CTXN2: variants seen among roughly 807,000 people sequenced by gnomAD.
The protein encoded by CTXN2 is cortexin 2.
CTXN2 carries 3 observed loss-of-function variants against 5.7 expected under a neutral mutation model. The ratio of observed to expected loss-of-function variants is 0.53; its 90% CI spans 0.24 to 1.36. CTXN2 has a LOEUF of 1.36. Ranked by LOEUF, CTXN2 falls within the 40% of genes most tolerant of loss-of-function variation. CTXN2 has a pLI of 0.17. For missense variants in CTXN2, 87 were observed against 93.0 expected, an observed-to-expected ratio of 0.94 and a Z score of 0.26; for synonymous variants, 38 against 36.4, an observed-to-expected ratio of 1.04 and a Z score of -0.16.
upstream of CTXN2, among the ~76,000 whole-genome samples, chr15:48,188,672 A>T (rs1208822675): frequency 1.3e-5 from 2 of 152,178 alleles, no homozygotes; most frequent in African/African-American, 4.8e-5. Context: ...TGTCACCAAC[A>T]TATTTACCTT....
chr15:48,201,163 A>G, intron 1 of CTXN2, 81 bp from the exon 2 acceptor site: 1 of 835,096 alleles, frequency 1.2e-6, no homozygotes, highest in Middle Eastern at 3.4e-4. Context: ...GAAGGTTTGA[A>G]AAACGTCAGA....
At chr15:48,184,436 G>A (rs980940727) in intron 1 of CTXN2, among the ~76,000 whole-genome samples, 1 of 152,048 alleles carries the variant, frequency 6.6e-6, no homozygotes, top group African/African-American at 2.4e-5. Flanking sequence ...TAAGAAAATG[G>A]AAAGATAAGC....
In CTXN2 at chr15:48,201,575, G is replaced by C; in HGVS notation, c.*29G>C. Reference sequence around the variant, plus strand: ...TTCCAGCTATATGGTTTTTATGGTTGTGCCATCGGGACACATTCTGGATAC... The same window carrying C: ...TTCCAGCTATATGGTTTTTATGGTTCTGCCATCGGGACACATTCTGGATAC... On this transcript the variant is annotated 3_prime_UTR_variant, in exon 2 of 2. Coordinates refer to ENST00000417307, the MANE Select transcript of CTXN2 (RefSeq NM_001145668.2). 1.3e-6 allele frequency: 2 copies of C among 1,548,026 alleles called. No individual in the cohort carries two copies. Among genetic ancestry groups the C allele is most frequent in the Admixed American group, 3.9e-5 (2 of 50,784 alleles).
chr15:48,190,624 G>T (rs2040807814), upstream of CTXN2, among the ~76,000 whole-genome samples: 1 of 151,944 alleles, frequency 6.6e-6, no homozygotes, highest in Admixed American at 6.6e-5. Context: ...CTTTAGATGA[G>T]TGTCCCAATT....
chr15:48,183,997 G>A (rs971823937), intron 1 of CTXN2, among the ~76,000 whole-genome samples: 1 of 152,200 alleles, frequency 6.6e-6, no homozygotes, highest in Non-Finnish European at 1.5e-5. Context: ...CCTCGGGACA[G>A]TTACATAGGA....
chr15:48,197,444 A>G (rs2040890433), intron 1 of CTXN2, among the ~76,000 whole-genome samples: 1 of 152,058 alleles, frequency 6.6e-6, no homozygotes, highest in African/African-American at 2.4e-5. Context: ...ATATAGAGAT[A>G]GATATTTTTA....
intron 1 of CTXN2, among the ~76,000 whole-genome samples, chr15:48,181,047 C>T (rs565784728): frequency 6.6e-5 from 10 of 152,256 alleles, no homozygotes; most frequent in African/African-American, 2.2e-4. Context: ...AGCTATTACA[C>T]GTATCTAGAA....
chr15:48,182,759 G>A (rs866021399), intron 1 of CTXN2, among the ~76,000 whole-genome samples: 22 of 152,310 alleles, frequency 1.4e-4, no homozygotes, highest in Non-Finnish European at 5.9e-5. Context: ...TCTAGGAAAG[G>A]ATTTAATGCA....
chr15:48,188,562 G>T (rs1025559110), upstream of CTXN2, among the ~76,000 whole-genome samples: 2 of 152,138 alleles, frequency 1.3e-5, no homozygotes, highest in African/African-American at 2.4e-5. Flanking sequence ...AGCAGGTTGT[G>T]TAAGCTGGCT....
intron 1 of CTXN2, among the ~76,000 whole-genome samples, chr15:48,185,583 C>T (rs1177639708): frequency 2.0e-5 from 3 of 152,236 alleles, no homozygotes; most frequent in South Asian, 2.1e-4. Flanking sequence ...TAAGAAAATG[C>T]TAGCACAATT....
chr15:48,191,885 T>C, intron 1 of CTXN2, 32 bp downstream of exon 1: 2 of 452,496 alleles, frequency 4.4e-6, no homozygotes, highest in South Asian at 1.6e-5. Flanking sequence ...AGTAACTTTC[T>C]CCCCCTTCCC....
At chr15:48,197,797 G>C (rs2040893762) in intron 1 of CTXN2, among the ~76,000 whole-genome samples, 1 of 151,916 alleles carries the variant, frequency 6.6e-6, no homozygotes, top group African/African-American at 2.4e-5. Context: ...TTCCTCCAAG[G>C]TAGTATAAAA....
At chr15:48,200,443 T>C (rs1484001732) in intron 1 of CTXN2, among the ~76,000 whole-genome samples, 1 of 151,968 alleles carries the variant, frequency 6.6e-6, no homozygotes, top group African/African-American at 2.4e-5. Flanking sequence ...GACTTAGGAG[T>C]GGAAATCTTG....
intron 1 of CTXN2, among the ~76,000 whole-genome samples, chr15:48,197,944 C>A (rs1262169118): frequency 6.6e-6 from 1 of 152,068 alleles, no homozygotes; most frequent in Non-Finnish European, 1.5e-5. Flanking sequence ...ATGTAGAGGG[C>A]AGGCACAGAG....
Position 48,201,752 on chromosome 15 carries a change from A to T in CTXN2, c.*206A>T. The T allele has an allele frequency of 1.7e-6, 1 of 591,992 alleles. No homozygotes were observed. Among genetic ancestry groups the T allele is most frequent in the Admixed American group, 3.1e-5 (1 of 32,586 alleles). 36.7% of individuals were successfully genotyped at this position (591,992 alleles called of 1,614,324 possible). A position where few individuals can be genotyped will look rare whatever the true frequency, so the allele number is the denominator to read the frequency against. ...CTCTGTTCCCACTTAGAGGTTTCCAATGAATAGAGCATAAGGATGGCTGCC... is the reference window on the plus strand; with the variant it reads ...CTCTGTTCCCACTTAGAGGTTTCCATTGAATAGAGCATAAGGATGGCTGCC... On this transcript the variant is annotated 3_prime_UTR_variant, in exon 2 of 2. Transcript: ENST00000417307.
At chr15:48,193,729 T>C (rs2413887) in intron 1 of CTXN2, among the ~76,000 whole-genome samples, 106,472 of 152,040 alleles carry the variant, frequency 0.7, 47,864 homozygotes, top group Non-Finnish European at 1. Flanking sequence ...CTGGGGACTT[T>C]TGTTTTTAAT....
rs750279055 is a variant in CTXN2 at position 48,203,012 on chromosome 15, T to G, written c.*1466T>G. The G allele has an allele frequency of 6.0e-6, 1 of 166,884 alleles. No homozygotes were observed. The highest frequency in any genetic ancestry group is 1.5e-5 in the Non-Finnish European group (1 of 68,114). 10.3% of individuals were successfully genotyped at this position (166,884 alleles called of 1,614,324 possible). On this transcript the variant is annotated 3_prime_UTR_variant, in exon 2 of 2. Coordinates refer to ENST00000417307, the MANE Select transcript of CTXN2 (RefSeq NM_001145668.2). Reference sequence around the variant, plus strand: ...GTTACTTTCAATTTATTTGATACTCTTATAAATTCTTTGAGTTGGAGACTA... The same window carrying G: ...GTTACTTTCAATTTATTTGATACTCGTATAAATTCTTTGAGTTGGAGACTA...
chr15:48,183,633 T>G (rs1027590619), intron 1 of CTXN2, among the ~76,000 whole-genome samples: 4 of 152,236 alleles, frequency 2.6e-5, no homozygotes, highest in African/African-American at 9.6e-5. Context: ...AACAATCCAT[T>G]CATTCATTGT....
At chr15:48,179,097 C>G (rs1234780794) in intron 1 of CTXN2, among the ~76,000 whole-genome samples, 1 of 151,898 alleles carries the variant, frequency 6.6e-6, no homozygotes, top group Non-Finnish European at 1.5e-5. Context: ...TTTTAAAATA[C>G]AGTCGTAGAT....
Sources: gnomAD v4.1 joint callset for allele counts (sites outside exome capture counted in the v4.1 genomes callset) on GRCh38, gnomAD v4.1.1 for gene constraint, MANE v1.5 for transcripts, NCBI Gene and HGNC (gene_info 2026-07-23, HGNC 2026-07-21) for gene names.